The following ZBTB38 variants were observed in gnomAD, a reference collection of about 807,000 sequenced individuals.
ZBTB38 encodes zinc finger and BTB domain-containing protein 38.
ZBTB38 carries 20 observed loss-of-function variants against 76.8 expected under a neutral mutation model. The observed-to-expected ratio is 0.26, with a 90% confidence interval of 0.18 to 0.38. The LOEUF (loss-of-function observed/expected upper bound fraction) is 0.38, where lower values mean the gene tolerates loss of function less well. ZBTB38 is among the 10% of genes least tolerant of loss of function. ZBTB38 has a pLI of 1.00. For missense variants in ZBTB38, 1,082 were observed against 1,482.3 expected, an observed-to-expected ratio of 0.73 and a Z score of 4.43; for synonymous variants, 504 against 544.2, an observed-to-expected ratio of 0.93 and a Z score of 1.03.
chr3:141,422,599 G>C lies in ZBTB38; in HGVS notation c.-1+18568G>C, dbSNP rs577160140. Among the ~76,000 whole-genome samples, 5 of 152,252 alleles carry C rather than the reference G, an allele frequency of 3.3e-5. No individual in the cohort carries two copies. The South Asian group carries it at 1.0e-3, about 32-fold the overall frequency. On this transcript the variant is annotated intron_variant, in intron 5 of 5. Coordinates refer to ENST00000321464, the MANE Select transcript of ZBTB38 (RefSeq NM_001376113.1). ...AAAGTGATGCTCGGAGGGCAGATTT[G>C]CTCAATCTCTTTACTTGGACGGGAA... is the stretch of plus-strand genomic sequence containing the variant.
At chr3:141,378,625 G>C (rs1217228575) in intron 2 of ZBTB38, among the ~76,000 whole-genome samples, 2 of 152,188 alleles carry the variant, frequency 1.3e-5, no homozygotes, top group African/African-American at 4.8e-5. Context: ...TTGAGGAGGG[G>C]GATTTATCCC....
At chr3:141,378,655 C>A (rs1051013362) in intron 2 of ZBTB38, among the ~76,000 whole-genome samples, 1 of 152,228 alleles carries the variant, frequency 6.6e-6, no homozygotes, top group Non-Finnish European at 1.5e-5. Flanking sequence ...CCTTTATGAG[C>A]AACTCCTACT....
chr3:141,444,458 T>A lies in ZBTB38; in HGVS notation c.2070T>A (p.Asp690Glu). The change falls in exon 6 of 6, where the codon GAT becomes GAA. Residue 690 changes from aspartate (D) to glutamate (E), a missense_variant. This residue lies in a region of ZBTB38 where 471 missense variants were observed against 581.0 expected (regional missense o/e 0.81). Transcript: ENST00000321464. The surrounding 1 kb of genome is among the most constrained non-coding windows in gnomAD (Gnocchi z 5.1). ...NAVSSDLRAG[D>E]VPVLSLSNSS... is the part of the protein sequence containing the mutation. ...TCAGTTCTGACCTCCGGGCAGGGGA[T>A]GTACCTGTTTTATCTTTGAGTAATA... 1 of 1,614,122 alleles carries A rather than the reference T, an allele frequency of 6.2e-7. No individual in the cohort carries two copies. Among genetic ancestry groups the A allele is most frequent in the Non-Finnish European group, 8.5e-7 (1 of 1,180,032 alleles).
intron 5 of ZBTB38, among the ~76,000 whole-genome samples, chr3:141,414,608 G>A (rs1991431): frequency 0.49 from 74,167 of 151,960 alleles, 19,528 homozygotes; most frequent in African/African-American, 0.69. Flanking sequence ...CCCAGTGCTC[G>A]GTGTACTGAT....
intron 3 of ZBTB38, chr3:141,384,920 G>A (rs1055632620): frequency 7.9e-5 from 12 of 152,280 alleles, no homozygotes; most frequent in Admixed American, 4.6e-4. Flanking sequence ...ACTTTAAAGT[G>A]TATAGGATAT....
Position 141,382,849 on chromosome 3 carries a change from T to C in ZBTB38, c.-172+1362T>C, listed in dbSNP as rs550614829. ...CAAGGAGATAGAGTCCTCTACCAGG[T>C]GTCTGCACAATAATAAGATTACTGA... is the stretch of plus-strand genomic sequence containing the variant. On this transcript the variant is annotated intron_variant, in intron 3 of 5. Coordinates refer to ENST00000321464, the MANE Select transcript of ZBTB38 (RefSeq NM_001376113.1). Among the ~76,000 whole-genome samples the C allele has an allele frequency of 2.8e-3, 432 of 152,304 alleles. 3 individuals carry two copies. The highest frequency in any genetic ancestry group is 6.8e-3 in the Middle Eastern group (2 of 294).
intron 1 of ZBTB38, among the ~76,000 whole-genome samples, chr3:141,355,193 G>A (rs1174013859): frequency 6.6e-6 from 1 of 152,006 alleles, no homozygotes; most frequent in African/African-American, 2.4e-5. Flanking sequence ...AGATAAATGT[G>A]GGTAACAGGT....
chr3:141,376,749 A>G (rs1158000395), intron 2 of ZBTB38, among the ~76,000 whole-genome samples: 1 of 152,206 alleles, frequency 6.6e-6, no homozygotes, highest in African/African-American at 2.4e-5. Context: ...TGTGGTGGTG[A>G]CAGCAGTGCT....
intron 5 of ZBTB38, chr3:141,427,496 G>A (rs1260716956): frequency 6.6e-6 from 1 of 152,332 alleles, no homozygotes; most frequent in African/African-American, 2.4e-5. Flanking sequence ...AGGAACAGAA[G>A]GGTGGCTAGT....
intron 5 of ZBTB38, among the ~76,000 whole-genome samples, chr3:141,423,579 C>G (rs1470824093): frequency 6.6e-6 from 1 of 152,038 alleles, no homozygotes; most frequent in Non-Finnish European, 1.5e-5. Flanking sequence ...ACAAAGATAA[C>G]TCACTATACG....
chr3:141,390,308 G>A (rs916075601), intron 4 of ZBTB38, among the ~76,000 whole-genome samples: 11 of 152,230 alleles, frequency 7.2e-5, no homozygotes, highest in East Asian at 1.9e-4. Context: ...TTTTGGCTCC[G>A]GTATTTTTAC....
Position 141,442,739 on chromosome 3 carries a change from G to T in ZBTB38, c.351G>T (p.Ser117=), listed in dbSNP as rs368133881. Residue 117 remains serine (S), a synonymous_variant, in exon 6 of 6, where the codon TCG becomes TCT. Coordinates refer to ENST00000321464, the MANE Select transcript of ZBTB38 (RefSeq NM_001376113.1). The surrounding 1 kb of genome is among the most constrained non-coding windows in gnomAD (Gnocchi z 6.4). ...CTGCAGGAAAAAAGCTGGGAATATC[G>T]TTCTTGGAAGACCTTACTGATCGCA... ...LAAAGKKLGI[S]FLEDLTDRNF... is the part of the protein sequence containing the mutation. The T allele has an allele frequency of 5.9e-5, 96 of 1,614,040 alleles. No homozygotes were observed. Among genetic ancestry groups the T allele is most frequent in the Non-Finnish European group, 7.9e-5 (93 of 1,180,044 alleles).
Position 141,443,739 on chromosome 3 carries a change from G to T in ZBTB38, c.1351G>T (p.Val451Phe). 4 of 1,613,924 alleles carry T rather than the reference G, an allele frequency of 2.5e-6. No individual in the cohort carries two copies. The highest frequency in any genetic ancestry group is 1.1e-5 in the South Asian group (1 of 91,082). The change falls in exon 6 of 6, where the codon GTT (valine) becomes TTT (phenylalanine). Residue 451 changes from valine (V) to phenylalanine (F), a missense_variant. Physicochemically the swap from Val to Phe is conservative, Grantham distance 50. Coordinates refer to ENST00000321464, the MANE Select transcript of ZBTB38 (RefSeq NM_001376113.1). The surrounding 1 kb of genome is among the most constrained non-coding windows in gnomAD (Gnocchi z 5.6). ...TACTTTGCCAGACACGGACCACATG[G>T]TTAAATTTGTTAATGGGCAAATGCT... ...GSTLPDTDHMVKFVNGQMLYS... is the reference protein window; with the variant it reads ...GSTLPDTDHMFKFVNGQMLYS...
chr3:141,335,903 C>T (rs1171669746), intron 1 of ZBTB38, among the ~76,000 whole-genome samples: 1 of 152,230 alleles, frequency 6.6e-6, no homozygotes, highest in Non-Finnish European at 1.5e-5. Flanking sequence ...AATGCTGACA[C>T]ATAGTAGAAT....
intron 1 of ZBTB38, among the ~76,000 whole-genome samples, chr3:141,361,777 C>T (rs1362115363): frequency 6.6e-6 from 1 of 152,170 alleles, no homozygotes. Context: ...AAATACTTCA[C>T]TACTGATGGA....
chr3:141,416,672 G>T (rs1303049219), intron 5 of ZBTB38, among the ~76,000 whole-genome samples: 1 of 152,224 alleles, frequency 6.6e-6, no homozygotes, highest in East Asian at 1.9e-4. Flanking sequence ...GGTCTTCACA[G>T]ATGTAATTAA....
chr3:141,368,423 C>A (rs1255163237), upstream of ZBTB38: 1 of 151,970 alleles, frequency 6.6e-6, no homozygotes, highest in African/African-American at 2.4e-5. Context: ...GCAGCCCGGC[C>A]CGGGCTGCTG....
At chr3:141,342,291 C>T (rs570109075) in intron 1 of ZBTB38, among the ~76,000 whole-genome samples, 55 of 151,492 alleles carry the variant, frequency 3.6e-4, no homozygotes, top group African/African-American at 1.0e-3. Context: ...CGCCACTGCA[C>T]TCCAGCCTGG....
At position 141,443,534 on chromosome 3, in the gene ZBTB38, C is replaced by A. The variant is rs749083541; in HGVS notation, c.1146C>A (p.Thr382=). The A allele has an allele frequency of 3.1e-6, 5 of 1,614,054 alleles. No individual in the cohort carries two copies. The East Asian group carries it at 1.1e-4, about 36-fold the overall frequency. Residue 382 remains threonine (T), a synonymous_variant, in exon 6 of 6, where the codon ACC becomes ACA. Coordinates refer to ENST00000321464, the MANE Select transcript of ZBTB38 (RefSeq NM_001376113.1). This position sits in a 1 kb window ranked among gnomAD's most constrained non-coding sequence, Gnocchi z 5.6. ...AGTATTGCAACAAACAATTCACCACCCTGAACAGGTTGGATCGGCATGAAC... is the reference window on the plus strand; with the variant it reads ...AGTATTGCAACAAACAATTCACCACACTGAACAGGTTGGATCGGCATGAAC... The part of the protein sequence containing the change: ...VCKYCNKQFT[T]LNRLDRHEQI...
Sources: allele counts gnomAD v4.1 joint callset (sites outside exome capture counted in the v4.1 genomes callset), GRCh38; gene constraint gnomAD v4.1.1; regional missense constraint gnomAD v4.1.1; non-coding constraint Gnocchi (gnomAD v3.1); transcripts MANE v1.5; gene names NCBI Gene and HGNC (gene_info 2026-07-23, HGNC 2026-07-21).